The following ARHGAP29 variants were observed in gnomAD, a reference collection of about 807,000 sequenced individuals.
ARHGAP29 encodes the protein rho GTPase-activating protein 29.
In ARHGAP29, 43 loss-of-function variants were observed where a neutral mutation model predicts 122.6. That is an observed-to-expected ratio of 0.35 (90% CI 0.27 to 0.45). The LOEUF (loss-of-function observed/expected upper bound fraction) is 0.45, where lower values mean the gene tolerates loss of function less well. ARHGAP29 is among the 20% of genes least tolerant of loss of function. The pLI is 1.00. For missense variants in ARHGAP29, 1,303 were observed against 1,477.2 expected (o/e 0.88, Z 1.93); for synonymous variants, 506 against 497.1 (o/e 1.02, Z -0.24).
the ARHGAP29 span, among the ~76,000 whole-genome samples, chr1:94,290,281 C>G: frequency 1.3e-5 from 2 of 152,096 alleles, no homozygotes; most frequent in Admixed American, 1.3e-4. Flanking sequence ...TCCCCTTTAT[C>G]ATTTTTTATT....
chr1:94,239,051 C>T (rs1653469597), upstream of ARHGAP29, among the ~76,000 whole-genome samples: 1 of 152,116 alleles, frequency 6.6e-6, no homozygotes, highest in African/African-American at 2.4e-5. Context: ...CCTCAAATCC[C>T]CAAAATAATA....
rs1317070842 is a variant in ARHGAP29 at position 94,169,700 on chromosome 1, A to C, written c.*4169T>G. On this transcript the variant is annotated 3_prime_UTR_variant, in exon 23 of 23. Coordinates refer to ENST00000260526, the MANE Select transcript of ARHGAP29 (RefSeq NM_004815.4). ...CTTTCTCAGGTCTTCATTTCCATAT[A>C]CCATTTCCCATTTAAAGAAACCAGG... 6.6e-6 allele frequency among the ~76,000 whole-genome samples: 1 copy of C among 152,170 alleles called. No homozygotes were observed. The highest frequency in any genetic ancestry group is 2.4e-5 in the African/African-American group (1 of 41,436).
intron 2 of ARHGAP29, among the ~76,000 whole-genome samples, chr1:94,223,707 A>G (rs1652456527): frequency 6.6e-6 from 1 of 152,124 alleles, no homozygotes; most frequent in South Asian, 2.1e-4. Context: ...GGTTAATGAT[A>G]TAGGTTAGCT....
At chr1:94,312,651 C>T in the ARHGAP29 span, among the ~76,000 whole-genome samples, 14 of 152,160 alleles carry the variant, frequency 9.2e-5, no homozygotes, top group South Asian at 2.1e-4. Flanking sequence ...AGGCTGCTCT[C>T]GAACTCCTGG....
chr1:94,280,082 T>C, the ARHGAP29 span, among the ~76,000 whole-genome samples: 1 of 114,352 alleles, frequency 8.7e-6, no homozygotes, highest in Non-Finnish European at 1.9e-5. Flanking sequence ...TATAACATAA[T>C]ATTTATCATT....
At chr1:94,221,355 T>C (rs1001301482) in intron 2 of ARHGAP29, among the ~76,000 whole-genome samples, 17 of 152,108 alleles carry the variant, frequency 1.1e-4, no homozygotes, top group African/African-American at 2.9e-4. Flanking sequence ...TTACACAGCA[T>C]TGGTGTTTAA....
chr1:94,218,667 A>T (rs181386317), intron 3 of ARHGAP29, among the ~76,000 whole-genome samples: 10 of 152,324 alleles, frequency 6.6e-5, no homozygotes, highest in Non-Finnish European at 1.2e-4. Flanking sequence ...TACTAAGCAC[A>T]TTTTTAAAAG....
At position 94,169,311 on chromosome 1, in the gene ARHGAP29, C is replaced by A. The variant is rs1202429045; in HGVS notation, c.*4558G>T. Among the ~76,000 whole-genome samples the A allele has an allele frequency of 2.6e-5, 4 of 152,114 alleles. No homozygotes were observed. Among genetic ancestry groups the A allele is most frequent in the Non-Finnish European group, 1.5e-5 (1 of 68,022 alleles). ...AGATTCAGCTGCCATGGTCCAGGCT[C>A]CAGGCTGGGGAGGATGTTAGGGATT... is the stretch of plus-strand genomic sequence containing the variant. On this transcript the variant is annotated 3_prime_UTR_variant, in exon 23 of 23. Coordinates refer to ENST00000260526, the MANE Select transcript of ARHGAP29 (RefSeq NM_004815.4).
intron 12 of ARHGAP29, chr1:94,195,696 T>C (rs912607663): frequency 6.6e-6 from 1 of 152,026 alleles, no homozygotes; most frequent in Non-Finnish European, 1.5e-5. Flanking sequence ...ACTCCACTTA[T>C]AAGATAGTGC....
upstream of ARHGAP29, among the ~76,000 whole-genome samples, chr1:94,239,638 G>T (rs774080701): frequency 6.6e-6 from 1 of 151,956 alleles, no homozygotes; most frequent in South Asian, 2.1e-4. Context: ...AAGAAAATGA[G>T]ATGGAGAGAG....
At chr1:94,298,338 A>G in the ARHGAP29 span, among the ~76,000 whole-genome samples, 3 of 152,380 alleles carry the variant, frequency 2.0e-5, no homozygotes, top group East Asian at 5.8e-4. Flanking sequence ...TTATAGCTGT[A>G]CTAAGTGTTT....
intron 1 of ARHGAP29, among the ~76,000 whole-genome samples, chr1:94,250,841 T>C (rs1654054599): frequency 6.6e-6 from 1 of 152,234 alleles, no homozygotes; most frequent in African/African-American, 2.4e-5. Flanking sequence ...TTAAACTTTC[T>C]TATAAGATTT....
rs1169579441 is a variant in ARHGAP29, at chr1:94,231,935, T to C, written c.-32-292A>G. 4.7e-4 allele frequency among the ~76,000 whole-genome samples: 72 copies of C among 152,156 alleles called. 1 individual carries two copies. Among genetic ancestry groups the C allele is most frequent in the Admixed American group, 4.7e-3 (72 of 15,272 alleles). ...GAGGTTTAGAGGTTAAAAATTTGCC[T>C]TAAGCTCTCAACTGATAATGAACTA... is the stretch of plus-strand genomic sequence containing the variant. On this transcript the variant is annotated intron_variant, in intron 1 of 22. Transcript: ENST00000260526.
At chr1:94,192,300 C>T (rs892925460) in intron 12 of ARHGAP29, 10 of 152,118 alleles carry the variant, frequency 6.6e-5, no homozygotes, top group African/African-American at 2.2e-4. Flanking sequence ...TATGACCTAT[C>T]CAGTGATAGG....
In ARHGAP29 at chr1:94,201,870, C is replaced by G; in HGVS notation, c.1144-13G>C. 1 of 1,419,070 alleles carries G rather than the reference C, an allele frequency of 7.0e-7. No homozygotes were observed. The highest frequency in any genetic ancestry group is 9.2e-7 in the Non-Finnish European group (1 of 1,087,024). 87.9% of individuals were successfully genotyped at this position (1,419,070 alleles called of 1,614,324 possible). ...TTGCTTCTTCTACCTTCACAAATAT[C>G]ACAGAAAAAAAAATAACACTAGAAT... On this transcript the variant is annotated splice_polypyrimidine_tract_variant and intron_variant, in intron 11 of 22. Coordinates refer to ENST00000260526, the MANE Select transcript of ARHGAP29 (RefSeq NM_004815.4).
chr1:94,248,353 C>T (rs1411368438), intron 1 of ARHGAP29, among the ~76,000 whole-genome samples: 9 of 152,150 alleles, frequency 5.9e-5, no homozygotes, highest in African/African-American at 2.2e-4. Flanking sequence ...CTGATCAACA[C>T]GGTGGAGGAA....
chr1:94,204,419 C>G (rs532985395), intron 7 of ARHGAP29, among the ~76,000 whole-genome samples: 1 of 152,178 alleles, frequency 6.6e-6, no homozygotes, highest in Non-Finnish European at 1.5e-5. Context: ...TGTACTGACC[C>G]TCTACAAGAC....
intron 7 of ARHGAP29, among the ~76,000 whole-genome samples, 166 bp downstream of exon 7, chr1:94,204,891 TACTC>T (rs760913204): frequency 2.6e-5 from 4 of 152,208 alleles, no homozygotes; most frequent in Non-Finnish European, 4.4e-5. Flanking sequence ...CCACAGTAAA[TACTC>T]ACTAATTCCA....
At chr1:94,311,712 C>A in the ARHGAP29 span, among the ~76,000 whole-genome samples, 1 of 152,284 alleles carries the variant, frequency 6.6e-6, no homozygotes, top group South Asian at 2.1e-4. Flanking sequence ...TCTTCTCAAG[C>A]CCTCTTGCTT....
Sources: gnomAD v4.1 joint callset for allele counts (sites outside exome capture counted in the v4.1 genomes callset) on GRCh38, gnomAD v4.1.1 for gene constraint, MANE v1.5 for transcripts, NCBI Gene and HGNC (gene_info 2026-07-23, HGNC 2026-07-21) for gene names.